CD247: variants seen among roughly 807,000 people sequenced by gnomAD.
The protein encoded by CD247 is T-cell surface glycoprotein CD3 zeta chain.
CD247 carries 13 observed loss-of-function variants against 30.0 expected under a neutral mutation model. The ratio of observed to expected loss-of-function variants is 0.43; its 90% confidence interval spans 0.28 to 0.69. CD247 has a LOEUF of 0.69. CD247 is among the 30% of genes least tolerant of loss of function. The pLI is 0.16. For missense variants in CD247, 193 were observed against 212.6 expected, an observed-to-expected ratio of 0.91 and a Z score of 0.57; for synonymous variants, 72 against 80.0, an observed-to-expected ratio of 0.90 and a Z score of 0.53.
intron 1 of CD247, among the ~76,000 whole-genome samples, chr1:167,441,424 G>A (rs35041963): frequency 1.1e-3 from 166 of 152,058 alleles, no homozygotes; most frequent in African/African-American, 3.9e-3. Flanking sequence ...CCCCACCTAG[G>A]CCCAGCATCT....
intron 4 of CD247, among the ~76,000 whole-genome samples, chr1:167,437,382 G>A (rs1257464406): frequency 6.7e-6 from 1 of 148,630 alleles, no homozygotes; most frequent in Non-Finnish European, 1.5e-5. Context: ...CCCAGCCTGG[G>A]CAACAAAAGC....
chr1:167,434,780 G>T (rs892873380), intron 5 of CD247: 1 of 455,258 alleles, frequency 2.2e-6, no homozygotes, highest in Non-Finnish European at 4.4e-6. Flanking sequence ...GCACTTTTCA[G>T]CTAAGGAGAC....
intron 1 of CD247, among the ~76,000 whole-genome samples, chr1:167,443,209 A>G (rs1571518690): frequency 6.6e-6 from 1 of 152,136 alleles, no homozygotes; most frequent in South Asian, 2.1e-4. Flanking sequence ...GGCTGTCAGC[A>G]CCTGAGACCA....
chr1:167,490,671 G>T (rs1325849167), intron 1 of CD247, among the ~76,000 whole-genome samples: 1 of 152,068 alleles, frequency 6.6e-6, no homozygotes, highest in Non-Finnish European at 1.5e-5. Flanking sequence ...AGTGACTCAC[G>T]CCTGTAATCC....
intron 1 of CD247, among the ~76,000 whole-genome samples, chr1:167,479,597 T>A (rs1442624683): frequency 6.6e-6 from 1 of 152,092 alleles, no homozygotes; most frequent in East Asian, 1.9e-4. Flanking sequence ...ATCACAGACC[T>A]CCCCGCTCCC....
rs1187299257 is a variant in CD247 at position 167,470,524 on chromosome 1, A to G, written c.59-29757T>C. On this transcript the variant is annotated intron_variant, in intron 1 of 7. Coordinates refer to ENST00000362089, the MANE Select transcript of CD247 (RefSeq NM_198053.3). Reference sequence around the variant, plus strand: ...AATTGTAAAAAAAAAAAAAAAAAAAAAAAGAAACAAGGAAAATACAGAAAA... The same window carrying G: ...AATTGTAAAAAAAAAAAAAAAAAAAGAAAGAAACAAGGAAAATACAGAAAA... 3.4e-4 allele frequency among the ~76,000 whole-genome samples: 51 copies of G among 150,584 alleles called. 1 individual carries two copies. The highest frequency in any genetic ancestry group is 2.6e-3 in the Admixed American group (40 of 15,166).
rs76216947 is a variant in CD247, at chr1:167,441,668, T to C, written c.59-901A>G. Among the ~76,000 whole-genome samples, 786 of 152,372 alleles carry C rather than the reference T, an allele frequency of 5.2e-3. 1 individual carries two copies. The highest frequency in any genetic ancestry group is 8.5e-3 in the Non-Finnish European group (581 of 68,034). ...CAAAGATCCCTTCTGTGTTAGCTTC[T>C]CCCACTGCAAATTTCCCAGGGGCCC... On this transcript the variant is annotated intron_variant, in intron 1 of 7. Transcript: ENST00000362089.
intron 1 of CD247, among the ~76,000 whole-genome samples, chr1:167,469,820 T>G (rs557538781): frequency 2.0e-5 from 3 of 152,336 alleles, no homozygotes; most frequent in African/African-American, 7.2e-5. Context: ...CTAGATGTCT[T>G]GGAGAGAATC....
At chr1:167,450,063 C>T (rs959007722) in intron 1 of CD247, among the ~76,000 whole-genome samples, 2 of 152,064 alleles carry the variant, frequency 1.3e-5, no homozygotes, top group African/African-American at 2.4e-5. Context: ...TAAAGGTTGC[C>T]TAATAAGCTT....
intron 1 of CD247, among the ~76,000 whole-genome samples, chr1:167,442,561 G>A (rs190320650): frequency 1.3e-5 from 2 of 152,300 alleles, no homozygotes; most frequent in African/African-American, 2.4e-5. Flanking sequence ...CGAGTATTCG[G>A]GTTCAGAGCA....
chr1:167,451,085 G>C (rs1007087212), intron 1 of CD247, among the ~76,000 whole-genome samples: 1 of 151,934 alleles, frequency 6.6e-6, no homozygotes, highest in Non-Finnish European at 1.5e-5. Context: ...GAGGTGGAAA[G>C]GCTGTGTGGT....
chr1:167,487,362 T>A (rs1286383921), intron 1 of CD247, among the ~76,000 whole-genome samples: 4 of 151,866 alleles, frequency 2.6e-5, no homozygotes, highest in Non-Finnish European at 5.9e-5. Context: ...AGAGATAGAG[T>A]GAGATTCCAT....
intron 1 of CD247, among the ~76,000 whole-genome samples, chr1:167,446,852 G>A (rs6698071): frequency 0.055 from 8,366 of 152,228 alleles, 341 homozygotes; most frequent in African/African-American, 0.11. Context: ...AAAATTAGCC[G>A]GGCGTGGTGG....
At chr1:167,492,084 A>T (rs1654476383) in intron 1 of CD247, among the ~76,000 whole-genome samples, 1 of 152,182 alleles carries the variant, frequency 6.6e-6, no homozygotes, top group Non-Finnish European at 1.5e-5. Context: ...TGTACTTGAC[A>T]TCACTCAACT....
chr1:167,498,675 A>G (rs1265657120), intron 1 of CD247, among the ~76,000 whole-genome samples: 2 of 152,242 alleles, frequency 1.3e-5, no homozygotes, highest in African/African-American at 4.8e-5. Flanking sequence ...AAAGAAGAGG[A>G]CAGTTTCAGA....
At chr1:167,440,363 A>AG in intron 2 of CD247, 4 of 455,880 alleles carry the variant, frequency 8.8e-6, no homozygotes, top group South Asian at 4.2e-5. Context: ...GCCTGAGTGT[A>AG]AGCCCCTTTG....
intron 1 of CD247, among the ~76,000 whole-genome samples, chr1:167,509,994 G>T (rs555854528): frequency 6.6e-6 from 1 of 152,276 alleles, no homozygotes; most frequent in East Asian, 1.9e-4. Context: ...ACCTCTCCAT[G>T]ATCCGACAGA....
intron 1 of CD247, chr1:167,458,728 T>G (rs1271287658): frequency 7.2e-6 from 1 of 138,018 alleles, no homozygotes; most frequent in Admixed American, 7.8e-5. Flanking sequence ...GACAGGGTCT[T>G]GCTCTCTTGT....
At chr1:167,518,356 A>G in intron 1 of CD247, 52 bp downstream of exon 1, 3 of 1,561,012 alleles carry the variant, frequency 1.9e-6, no homozygotes, top group Non-Finnish European at 2.7e-6. Flanking sequence ...ACTCCCCTAC[A>G]CATACACAAA....
Sources: gnomAD v4.1 joint callset for allele counts (sites outside exome capture counted in the v4.1 genomes callset) on GRCh38, gnomAD v4.1.1 for gene constraint, MANE v1.5 for transcripts, NCBI Gene and HGNC (gene_info 2026-07-23, HGNC 2026-07-21) for gene names.